STAC3: variants seen among roughly 807,000 people sequenced by gnomAD.
STAC3 encodes the protein SH3 and cysteine rich domain 3.
Under a neutral mutation model 48.5 loss-of-function variants are expected in STAC3, and 30 were observed. The observed-to-expected ratio is 0.62, with a 90% CI of 0.46 to 0.84. The LOEUF (loss-of-function observed/expected upper bound fraction) is 0.84, where lower values mean the gene tolerates loss of function less well. STAC3 is among the 40% of genes least tolerant of loss of function. The probability of loss-of-function intolerance (pLI) is 0.00; values close to 1 mark genes in which losing one functional copy is unlikely to be tolerated. For missense variants in STAC3, 419 were observed against 462.6 expected, an observed-to-expected ratio of 0.91 and a Z score of 0.86; for synonymous variants, 144 against 158.6, an observed-to-expected ratio of 0.91 and a Z score of 0.69.
At chr12:57,248,483 A>G (rs1181872886) in intron 4 of STAC3, 2 of 582,636 alleles carry the variant, frequency 3.4e-6, no homozygotes, top group Non-Finnish European at 6.1e-6. Flanking sequence ...AGTTTACGCC[A>G]TTCTCCTGCC....
chr12:57,244,655 C>G (rs754888977), intron 8 of STAC3, 33 bp from the exon 9 acceptor site: 3 of 1,610,990 alleles, frequency 1.9e-6, no homozygotes, highest in African/African-American at 1.3e-5. Context: ...AGTCTTAGGG[C>G]TCCTCTACCC....
rs766469372 is a variant in STAC3 at position 57,243,869 on chromosome 12, C to T, written c.1038G>A (p.Lys346=). ...QKGDEAGGYV[K]VYTGRKVGLF... ...GCCCCACCTTGCGGCCGGTGTAGAC[C>T]TTGACGTAGCCGCCCGCTTCGTCTC... Residue 346 remains lysine (K), a synonymous_variant, in exon 12 of 12, where the codon AAG becomes AAA. Transcript: ENST00000332782. The T allele has an allele frequency of 2.5e-6, 4 of 1,614,136 alleles. No homozygotes were observed. Among genetic ancestry groups the T allele is most frequent in the South Asian group, 2.2e-5 (2 of 91,078 alleles).
chr12:57,248,990 C>A, intron 3 of STAC3, 51 bp downstream of exon 3: 1 of 1,562,432 alleles, frequency 6.4e-7, no homozygotes, highest in South Asian at 1.2e-5. Flanking sequence ...GCCCTCTCCC[C>A]AAACCTCTGC....
chr12:57,246,925 A>G, intron 5 of STAC3, 24 bp from the exon 6 acceptor site: 1 of 1,607,730 alleles, frequency 6.2e-7, no homozygotes. Context: ...AGGAGAAAGA[A>G]GACATTATTG....
At chr12:57,244,058 G>T in intron 11 of STAC3, 30 bp downstream of exon 11, 6 of 1,613,976 alleles carry the variant, frequency 3.7e-6, no homozygotes, top group Non-Finnish European at 5.1e-6. Context: ...GAGCATTCAG[G>T]CCTGGGATTG....
chr12:57,249,357 T>C, intron 2 of STAC3, 49 bp from the exon 3 acceptor site: 1 of 1,534,042 alleles, frequency 6.5e-7, no homozygotes, highest in Non-Finnish European at 8.8e-7. Context: ...CTTGTCACCC[T>C]CTCTAGAGTA....
chr12:57,247,789 T>C (rs2037788623), intron 5 of STAC3, among the ~76,000 whole-genome samples: 1 of 152,200 alleles, frequency 6.6e-6, no homozygotes, highest in Admixed American at 6.6e-5. Flanking sequence ...GAGTCTGATA[T>C]GACTCTGTAG....
chr12:57,248,010 G>A (rs1484086448), intron 5 of STAC3, 116 bp downstream of exon 5: 1 of 934,534 alleles, frequency 1.1e-6, no homozygotes, highest in Non-Finnish European at 1.8e-6. Context: ...TGAGGTTGAG[G>A]GAGAATTATG....
At chr12:57,248,313 G>T in intron 4 of STAC3, 115 bp from the exon 5 acceptor site, 1 of 879,820 alleles carries the variant, frequency 1.1e-6, no homozygotes, top group Non-Finnish European at 1.9e-6. Context: ...GAAAGAAAAA[G>T]CAGAGAAATG....
chr12:57,249,165 T>G lies in STAC3; in HGVS notation c.210A>C (p.Glu70Asp). Reference sequence around the variant, plus strand: ...GGGGTGGCTCCTCCTCCTCCTCTTCTTCCTCTTCCTCTTCCTCATAGATGT... The same window carrying G: ...GGGGTGGCTCCTCCTCCTCCTCTTCGTCCTCTTCCTCTTCCTCATAGATGT... ...IYYIYEEEEEEEEEEEEPPPE... is the reference protein window; with the variant it reads ...IYYIYEEEEEDEEEEEEPPPE... The change falls in exon 3 of 12, where the codon GAA (glutamate) becomes GAC (aspartate). Residue 70 changes from glutamate (E) to aspartate (D), a missense_variant. Transcript: ENST00000332782. 4 of 1,613,518 alleles carry G rather than the reference T, an allele frequency of 2.5e-6. No homozygotes were observed. Among genetic ancestry groups the G allele is most frequent in the Non-Finnish European group, 3.4e-6 (4 of 1,179,712 alleles).
chr12:57,245,040 G>A, intron 7 of STAC3, 75 bp from the exon 8 acceptor site: 1 of 1,602,938 alleles, frequency 6.2e-7, no homozygotes, highest in Non-Finnish European at 8.5e-7. Flanking sequence ...TTGTGGAAGG[G>A]CCTCGTCTAT....
rs759719960 is a variant in STAC3, at chr12:57,248,229, G to C, written c.433-31C>G. 2.5e-6 allele frequency: 4 copies of C among 1,572,960 alleles called. No homozygotes were observed. The Admixed American group carries it at 6.7e-5, about 26-fold the overall frequency. Reference sequence around the variant, plus strand: ...GGATGGGATGAGAGGAAGCATTAGAGGTAGCAAAGTAAGGTCCAGAAGCCT... The same window carrying C: ...GGATGGGATGAGAGGAAGCATTAGACGTAGCAAAGTAAGGTCCAGAAGCCT... On this transcript the variant is annotated intron_variant, in intron 4 of 11. Transcript: ENST00000332782.
chr12:57,244,260 T>C, intron 10 of STAC3, 35 bp from the exon 11 acceptor site: 1 of 1,614,212 alleles, frequency 6.2e-7, no homozygotes, highest in Non-Finnish European at 8.5e-7. Context: ...CATCTCTCAA[T>C]GTCGGGTTCT....
chr12:57,249,362 A>G (rs956677463), intron 2 of STAC3, 54 bp from the exon 3 acceptor site: 52 of 1,532,902 alleles, frequency 3.4e-5, no homozygotes, highest in African/African-American at 4.2e-5. Context: ...CACCCTCTCT[A>G]GAGTAGGGGG....
At chr12:57,245,436 A>G (rs1017453492) in intron 6 of STAC3, among the ~76,000 whole-genome samples, 2 of 151,560 alleles carry the variant, frequency 1.3e-5, no homozygotes, top group South Asian at 2.1e-4. Context: ...CAGTGGCGCA[A>G]TCTTGGCTCA....
At chr12:57,245,573 T>C (rs2037719642) in intron 6 of STAC3, among the ~76,000 whole-genome samples, 1 of 152,024 alleles carries the variant, frequency 6.6e-6, no homozygotes. Flanking sequence ...GGTTTCACCG[T>C]GTTAGCCAGG....
chr12:57,245,179 C>T lies in STAC3; in HGVS notation c.636G>A (p.Glu212=). ...PVAAMMEEEP[E]SARPEEGKPQ... ...GTTTGCCTTCCTCTGGTCTGGCCGA[C>T]TCTGGCTCCTCCTCCATCATGGCTG... Residue 212 remains glutamate, a synonymous_variant, in exon 7 of 12, where the codon GAG becomes GAA. Coordinates refer to ENST00000332782, the MANE Select transcript of STAC3 (RefSeq NM_145064.3). The T allele has an allele frequency of 6.2e-7, 1 of 1,614,156 alleles. No homozygotes were observed. The highest frequency in any genetic ancestry group is 8.5e-7 in the Non-Finnish European group (1 of 1,180,026).
chr12:57,243,724 TC>T lies in STAC3; in HGVS notation c.*87del. ...CTTCCTACCCCTCCTCTCCCAGCAGTCCCGTTGCTTTCGCCCCCCTCCCCAA... is the reference window on the plus strand; with the variant it reads ...CTTCCTACCCCTCCTCTCCCAGCAGTCCGTTGCTTTCGCCCCCCTCCCCAA... On this transcript the variant is annotated 3_prime_UTR_variant, in exon 12 of 12. Coordinates refer to ENST00000332782, the MANE Select transcript of STAC3 (RefSeq NM_145064.3). 1.6e-6 allele frequency: 2 copies of T among 1,234,590 alleles called. No homozygotes were observed. Among genetic ancestry groups the T allele is most frequent in the South Asian group, 2.5e-5 (2 of 78,680 alleles). 76.5% of individuals were successfully genotyped at this position (1,234,590 alleles called of 1,614,324 possible).
intron 1 of STAC3, among the ~76,000 whole-genome samples, chr12:57,250,215 C>A (rs566152387): frequency 6.6e-6 from 1 of 152,052 alleles, no homozygotes; most frequent in East Asian, 1.9e-4. Context: ...CATGGTGAAA[C>A]CCCATCTCTA....
Sources: gnomAD v4.1 joint callset for allele counts (sites outside exome capture counted in the v4.1 genomes callset) on GRCh38, gnomAD v4.1.1 for gene constraint, MANE v1.5 for transcripts, NCBI Gene and HGNC (gene_info 2026-07-23, HGNC 2026-07-21) for gene names.